Variants in TMEM17 observed in about 807,000 individuals in gnomAD.
The protein encoded by TMEM17 is transmembrane protein 17.
In TMEM17, 15 loss-of-function variants were observed where a neutral mutation model predicts 19.1. That is an observed-to-expected ratio of 0.78 (90% CI 0.52 to 1.21). TMEM17 has a LOEUF of 1.21. Among genes scored for constraint, TMEM17 ranks in the 50% most tolerant of loss-of-function variants. The probability of loss-of-function intolerance (pLI) is 0.00; values close to 1 mark genes in which losing one functional copy is unlikely to be tolerated. For synonymous variants in TMEM17, 103 were observed against 86.9 expected, an observed-to-expected ratio of 1.19 and a Z score of -1.03; for missense variants, 245 against 242.3, an observed-to-expected ratio of 1.01 and a Z score of -0.07.
chr2:62,455,514 C>T, the TMEM17 span, among the ~76,000 whole-genome samples: 2 of 152,242 alleles, frequency 1.3e-5, no homozygotes, highest in East Asian at 3.8e-4. Context: ...CGCCTGTAAT[C>T]CCAGCACTTT....
chr2:62,484,340 G>A, the TMEM17 span, among the ~76,000 whole-genome samples: 1 of 152,096 alleles, frequency 6.6e-6, no homozygotes, highest in Non-Finnish European at 1.5e-5. Flanking sequence ...CCTTCTCAGG[G>A]TTCCTGGGAG....
chr2:62,469,293 T>C, the TMEM17 span, among the ~76,000 whole-genome samples: 1 of 152,150 alleles, frequency 6.6e-6, no homozygotes, highest in Non-Finnish European at 1.5e-5. Flanking sequence ...CAGGGTGGGA[T>C]GGGACATGTT....
the TMEM17 span, among the ~76,000 whole-genome samples, chr2:62,472,235 T>C: frequency 1.3e-5 from 2 of 152,198 alleles, no homozygotes; most frequent in Non-Finnish European, 2.9e-5. Flanking sequence ...CAACAAAAGC[T>C]CTGAAATGTG....
downstream of TMEM17, among the ~76,000 whole-genome samples, chr2:62,496,366 C>T (rs1044982616): frequency 7.9e-5 from 12 of 152,014 alleles, no homozygotes; most frequent in East Asian, 1.9e-4. Context: ...ATGAGATGTT[C>T]GTTACAATGT....
chr2:62,466,804 T>A, the TMEM17 span, among the ~76,000 whole-genome samples: 1 of 152,130 alleles, frequency 6.6e-6, no homozygotes, highest in South Asian at 2.1e-4. Context: ...GGACCTGAAT[T>A]TGACTTGCTA....
chr2:62,477,903 C>G, the TMEM17 span, among the ~76,000 whole-genome samples: 1 of 152,220 alleles, frequency 6.6e-6, no homozygotes, highest in African/African-American at 2.4e-5. Flanking sequence ...TTAAGGCACT[C>G]ATGTAGTGGC....
Position 62,506,163 on chromosome 2 carries a change from A to C in TMEM17, c.-34T>G. The C allele has an allele frequency of 1.9e-6, 3 of 1,551,212 alleles. No homozygotes were observed. The highest frequency in any genetic ancestry group is 2.6e-6 in the Non-Finnish European group (3 of 1,141,698). ...CTCAGTATCCCTCACCCCCTCAGAC[A>C]CGGGCTAGTCTGCGGGCGCTCCGAG... is the stretch of plus-strand genomic sequence containing the variant. On this transcript the variant is annotated 5_prime_UTR_variant, in exon 1 of 4. Coordinates refer to ENST00000335390, the MANE Select transcript of TMEM17 (RefSeq NM_198276.3).
the TMEM17 span, among the ~76,000 whole-genome samples, chr2:62,455,605 A>T: frequency 2.0e-5 from 3 of 152,186 alleles, no homozygotes; most frequent in Non-Finnish European, 2.9e-5. Context: ...CGTCTTTACT[A>T]AAAATACAAA....
chr2:62,474,029 G>A, the TMEM17 span, among the ~76,000 whole-genome samples: 1 of 152,162 alleles, frequency 6.6e-6, no homozygotes, highest in African/African-American at 2.4e-5. Flanking sequence ...ACTGAGGATG[G>A]GGAGGGGCCA....
chr2:62,481,419 T>C, the TMEM17 span, among the ~76,000 whole-genome samples: 1 of 152,232 alleles, frequency 6.6e-6, no homozygotes, highest in Non-Finnish European at 1.5e-5. Context: ...ATGCCCTTTA[T>C]TATTTTTTTT....
At chr2:62,454,344 C>G in the TMEM17 span, among the ~76,000 whole-genome samples, 175 of 152,284 alleles carry the variant, frequency 1.1e-3, no homozygotes, top group African/African-American at 3.9e-3. Context: ...GCATGGGGTG[C>G]TTTTGTGTGA....
the TMEM17 span, among the ~76,000 whole-genome samples, chr2:62,490,025 A>C: frequency 1.3e-5 from 2 of 151,956 alleles, no homozygotes; most frequent in Non-Finnish European, 2.9e-5. Context: ...AAATACAAAA[A>C]ATTAGCTGGG....
chr2:62,485,739 A>C, the TMEM17 span, among the ~76,000 whole-genome samples: 1 of 152,182 alleles, frequency 6.6e-6, no homozygotes, highest in Non-Finnish European at 1.5e-5. Context: ...TTGATTTTGG[A>C]GACACCAACA....
the TMEM17 span, among the ~76,000 whole-genome samples, chr2:62,464,530 C>T: frequency 6.6e-6 from 1 of 152,212 alleles, no homozygotes; most frequent in Non-Finnish European, 1.5e-5. Context: ...AACTTCACTT[C>T]TGTGGTATTC....
the TMEM17 span, among the ~76,000 whole-genome samples, chr2:62,492,784 A>T: frequency 6.6e-6 from 1 of 152,246 alleles, no homozygotes; most frequent in Non-Finnish European, 1.5e-5. Context: ...TCCATAGAAG[A>T]TGTGACAGTT....
chr2:62,483,747 G>A, the TMEM17 span, among the ~76,000 whole-genome samples: 5 of 151,824 alleles, frequency 3.3e-5, no homozygotes, highest in South Asian at 2.1e-4. Flanking sequence ...TTACAGGCAC[G>A]TGCCACCGCG....
the TMEM17 span, among the ~76,000 whole-genome samples, chr2:62,471,059 G>A: frequency 7.2e-5 from 11 of 152,206 alleles, no homozygotes; most frequent in South Asian, 6.2e-4. Context: ...CCAGATGCAG[G>A]GTCTGGACTG....
At chr2:62,467,193 T>TC in the TMEM17 span, among the ~76,000 whole-genome samples, 15 of 151,982 alleles carry the variant, frequency 9.9e-5, no homozygotes, top group African/African-American at 3.6e-4. Flanking sequence ...TTGCAGCATT[T>TC]CCCCCCGCCC....
the TMEM17 span, among the ~76,000 whole-genome samples, chr2:62,485,096 C>T: frequency 6.6e-6 from 1 of 152,170 alleles, no homozygotes; most frequent in South Asian, 2.1e-4. Flanking sequence ...TGCCAACACG[C>T]CCGGCTAATT....
Sources: gnomAD v4.1 joint callset for allele counts (sites outside exome capture counted in the v4.1 genomes callset) on GRCh38, gnomAD v4.1.1 for gene constraint, MANE v1.5 for transcripts, NCBI Gene and HGNC (gene_info 2026-07-23, HGNC 2026-07-21) for gene names.